The following RIMS1 variants were observed in gnomAD, a reference collection of about 807,000 sequenced individuals.
RIMS1 encodes the protein regulating synaptic membrane exocytosis protein 1.
RIMS1 carries 83 observed loss-of-function variants against 214.1 expected under a neutral mutation model. The ratio of observed to expected loss-of-function variants is 0.39; its 90% CI spans 0.32 to 0.47. The LOEUF (loss-of-function observed/expected upper bound fraction) is 0.47. Among genes scored for constraint, RIMS1 ranks in the 20% least tolerant of loss-of-function variants. The pLI is 0.99. For synonymous variants in RIMS1, 793 were observed against 786.8 expected, an observed-to-expected ratio of 1.01 and a Z score of -0.13; for missense variants, 2,050 against 2,161.8, an observed-to-expected ratio of 0.95 and a Z score of 1.03.
chr6:72,154,903 G>A (rs1227556075), intron 4 of RIMS1, among the ~76,000 whole-genome samples: 2 of 140,438 alleles, frequency 1.4e-5, no homozygotes, highest in African/African-American at 4.9e-5. Context: ...AGATTACTGA[G>A]ATAATCATCA....
chr6:72,210,811 A>G (rs1253744492), intron 6 of RIMS1, among the ~76,000 whole-genome samples: 2 of 152,220 alleles, frequency 1.3e-5, no homozygotes, highest in Non-Finnish European at 1.5e-5. Context: ...TTTGAGGCAC[A>G]GACCTGTTCT....
At chr6:72,020,764 G>C (rs1402980665) in intron 2 of RIMS1, among the ~76,000 whole-genome samples, 1 of 152,154 alleles carries the variant, frequency 6.6e-6, no homozygotes, top group East Asian at 1.9e-4. Flanking sequence ...GAGTACTTTG[G>C]TGAAGCAAGT....
intron 2 of RIMS1, among the ~76,000 whole-genome samples, chr6:72,040,564 G>T (rs1323339142): frequency 6.6e-6 from 1 of 151,864 alleles, no homozygotes; most frequent in Non-Finnish European, 1.5e-5. Context: ...GTAACAACCT[G>T]AAAATTAGAC....
intron 2 of RIMS1, among the ~76,000 whole-genome samples, chr6:71,994,872 G>A (rs926188281): frequency 6.6e-6 from 1 of 152,208 alleles, no homozygotes; most frequent in African/African-American, 2.4e-5. Flanking sequence ...GAAGGGAAGG[G>A]CGGGTATACT....
intron 1 of RIMS1, among the ~76,000 whole-genome samples, chr6:71,950,375 C>CT (rs1361002011): frequency 2.7e-5 from 4 of 150,332 alleles, no homozygotes; most frequent in African/African-American, 9.7e-5. Context: ...TTACCTTAAT[C>CT]TGAAAAAAAA....
At chr6:72,267,285 G>A (rs1181977276) in intron 22 of RIMS1, among the ~76,000 whole-genome samples, 1 of 151,928 alleles carries the variant, frequency 6.6e-6, no homozygotes, top group Non-Finnish European at 1.5e-5. Context: ...TTTAAAATAT[G>A]TTTAGTTATT....
At chr6:71,969,949 C>G (rs1795439945) in intron 2 of RIMS1, among the ~76,000 whole-genome samples, 1 of 152,178 alleles carries the variant, frequency 6.6e-6, no homozygotes, top group African/African-American at 2.4e-5. Context: ...TCAGAGTTGA[C>G]TGATTTGATT....
chr6:72,222,584 T>C (rs2058828893), intron 6 of RIMS1, among the ~76,000 whole-genome samples: 1 of 152,152 alleles, frequency 6.6e-6, no homozygotes, highest in South Asian at 2.1e-4. Flanking sequence ...AAAACTTAGC[T>C]TCTGATCTCT....
At chr6:71,974,107 G>T (rs899409351) in intron 2 of RIMS1, among the ~76,000 whole-genome samples, 3 of 152,150 alleles carry the variant, frequency 2.0e-5, no homozygotes, top group Admixed American at 6.5e-5. Flanking sequence ...GGTAGATCTG[G>T]ATTGATCACC....
chr6:71,989,315 T>G (rs1298650526), intron 2 of RIMS1, among the ~76,000 whole-genome samples: 2 of 152,198 alleles, frequency 1.3e-5, no homozygotes, highest in Non-Finnish European at 2.9e-5. Context: ...TAGGCAGTCA[T>G]TATTACTGCC....
chr6:72,251,784 C>T (rs1298191755), intron 15 of RIMS1, among the ~76,000 whole-genome samples: 1 of 152,024 alleles, frequency 6.6e-6, no homozygotes, highest in Non-Finnish European at 1.5e-5. Flanking sequence ...GATCTCGGCT[C>T]ACTGCAACCT....
intron 2 of RIMS1, among the ~76,000 whole-genome samples, chr6:72,034,287 ATTCT>A (rs1366671601): frequency 6.6e-6 from 1 of 152,166 alleles, no homozygotes; most frequent in Non-Finnish European, 1.5e-5. Flanking sequence ...CTAAAAAGTT[ATTCT>A]TTGTTTATCC....
intron 4 of RIMS1, among the ~76,000 whole-genome samples, chr6:72,146,714 A>G (rs1303689284): frequency 6.6e-6 from 1 of 152,238 alleles, no homozygotes; most frequent in African/African-American, 2.4e-5. Flanking sequence ...ATTTAAAACA[A>G]TCCTTTAACC....
intron 29 of RIMS1, among the ~76,000 whole-genome samples, chr6:72,345,748 A>G (rs1259331403): frequency 6.6e-6 from 1 of 151,836 alleles, no homozygotes; most frequent in Non-Finnish European, 1.5e-5. Context: ...AACTGGAAGG[A>G]GCTTAGAATT....
At chr6:72,000,357 T>G (rs1416893078) in intron 2 of RIMS1, among the ~76,000 whole-genome samples, 1 of 152,170 alleles carries the variant, frequency 6.6e-6, no homozygotes, top group African/African-American at 2.4e-5. Context: ...CATAAATATA[T>G]TCCTCAAGCA....
chr6:71,917,636 T>G (rs973908087), intron 1 of RIMS1, among the ~76,000 whole-genome samples: 1 of 152,132 alleles, frequency 6.6e-6, no homozygotes, highest in Non-Finnish European at 1.5e-5. Flanking sequence ...CAGCAGAGGC[T>G]GAATCAGGGG....
chr6:71,895,573 C>A (rs911527677), intron 1 of RIMS1, among the ~76,000 whole-genome samples: 3 of 146,132 alleles, frequency 2.1e-5, no homozygotes, highest in African/African-American at 7.7e-5. Context: ...ACTTGGGAGG[C>A]TGAGGCAGGA....
chr6:71,976,226 G>A (rs991725341), intron 2 of RIMS1, among the ~76,000 whole-genome samples: 2 of 152,036 alleles, frequency 1.3e-5, no homozygotes, highest in Non-Finnish European at 2.9e-5. Flanking sequence ...GTTATTGTCT[G>A]TCTTTTATAT....
intron 16 of RIMS1, among the ~76,000 whole-genome samples, chr6:72,255,050 TC>T (rs2075212688): frequency 1.3e-5 from 2 of 152,310 alleles, no homozygotes; most frequent in South Asian, 4.1e-4. Context: ...AGCATGTAAT[TC>T]ATTAATATTT....
Sources: allele counts gnomAD v4.1 joint callset (sites outside exome capture counted in the v4.1 genomes callset), GRCh38; gene constraint gnomAD v4.1.1; transcripts MANE v1.5; gene names NCBI Gene and HGNC (gene_info 2026-07-23, HGNC 2026-07-21).